Variants in MYOF observed in about 807,000 individuals in gnomAD.
MYOF encodes fer-1-like 3, myoferlin.
Under a neutral mutation model 284.2 loss-of-function variants are expected in MYOF, and 244 were observed. The ratio of observed to expected loss-of-function variants is 0.86; its 90% confidence interval spans 0.77 to 0.95. The LOEUF is 0.95. Among genes scored for constraint, MYOF ranks in the 40% least tolerant of loss-of-function variants. The pLI, the probability that MYOF is intolerant of heterozygous loss-of-function variation, is 0.00. For missense variants in MYOF, 2,496 were observed against 2,560.6 expected (o/e 0.97, Z 0.54); for synonymous variants, 904 against 919.7 (o/e 0.98, Z 0.31).
At position 93,375,649 on chromosome 10, in the gene MYOF, A is replaced by G. The variant is rs543888055; in HGVS notation, c.2109-694T>C. Among the ~76,000 whole-genome samples, 4 of 152,308 alleles carry G rather than the reference A, an allele frequency of 2.6e-5. No homozygotes were observed. The East Asian group carries it at 7.7e-4, about 29-fold the overall frequency. On this transcript the variant is annotated intron_variant, in intron 22 of 53. Coordinates refer to ENST00000359263, the MANE Select transcript of MYOF (RefSeq NM_013451.4). Reference sequence around the variant, plus strand: ...GAGAAGGAAATGAGTTGCTGTATGGAAAGGATTTAGAATAGTTGCATAGCA... The same window carrying G: ...GAGAAGGAAATGAGTTGCTGTATGGGAAGGATTTAGAATAGTTGCATAGCA...
chr10:93,349,671 T>A, intron 36 of MYOF, 137 bp downstream of exon 36: 2 of 1,026,210 alleles, frequency 1.9e-6, no homozygotes, highest in Non-Finnish European at 2.7e-6. Context: ...AAAAAGTCAC[T>A]GACAAGCTGA....
At chr10:93,340,004 C>T (rs1009858202) in intron 39 of MYOF, 149 bp downstream of exon 39, 14 of 760,682 alleles carry the variant, frequency 1.8e-5, no homozygotes, top group Middle Eastern at 3.9e-4. Context: ...GCGTGAACCC[C>T]GGGGGGCGGA....
intron 16 of MYOF, among the ~76,000 whole-genome samples, chr10:93,394,448 C>CTCTTTTTTTTTTTTTTTTTT (rs1846871495): frequency 2.1e-4 from 6 of 28,682 alleles, no homozygotes; most frequent in Non-Finnish European, 2.0e-4. Flanking sequence ...ACCATCTTGT[C>CTCTTTTTTTTTTTTTTTTTT]TTTTTTTTTT....
intron 48 of MYOF, among the ~76,000 whole-genome samples, chr10:93,320,737 C>T (rs1842811173): frequency 6.6e-6 from 1 of 152,072 alleles, no homozygotes; most frequent in Non-Finnish European, 1.5e-5. Context: ...GGGAAGACTT[C>T]TAGTTTGAAA....
At chr10:93,329,351 A>G (rs1373554987) in intron 44 of MYOF, among the ~76,000 whole-genome samples, 1 of 152,212 alleles carries the variant, frequency 6.6e-6, no homozygotes, top group Non-Finnish European at 1.5e-5. Context: ...AAACGTTGCC[A>G]GTCCTCAGTC....
At position 93,364,026 on chromosome 10, in the gene MYOF, A is replaced by T; in HGVS notation, c.2803T>A (p.Tyr935Asn). 6.2e-7 allele frequency: 1 copy of T among 1,614,188 alleles called. No homozygotes were observed. The highest frequency in any genetic ancestry group is 1.1e-5 in the South Asian group (1 of 91,076). Residue 935 changes from tyrosine (Y) to asparagine (N), a missense_variant, in exon 27 of 54, where the codon TAT becomes AAT. This residue lies in a region of MYOF where 2,436 missense variants were observed against 2,480.7 expected (regional missense o/e 0.98). Transcript: ENST00000359263. ...AGHTEFTDEV[Y>N]QNESRYPGGD... ...CCGGGGTAGCGGCTCTCGTTCTGAT[A>T]GACTTCATCAGTGAACTCCGTGTGA...
chr10:93,428,437 C>T (rs1208527827), intron 4 of MYOF, among the ~76,000 whole-genome samples: 5 of 151,656 alleles, frequency 3.3e-5, no homozygotes, highest in African/African-American at 1.2e-4. Flanking sequence ...AACTCCTGAC[C>T]TCAGATGATC....
chr10:93,454,450 A>G (rs973643951), intron 2 of MYOF, among the ~76,000 whole-genome samples: 4 of 152,114 alleles, frequency 2.6e-5, no homozygotes, highest in African/African-American at 7.2e-5. Flanking sequence ...ATTTGAAGAG[A>G]TGAGTTGGGA....
At chr10:93,336,220 C>T (rs763647754) in intron 40 of MYOF, among the ~76,000 whole-genome samples, 174 bp from the exon 41 acceptor site, 1 of 152,180 alleles carries the variant, frequency 6.6e-6, no homozygotes, top group Non-Finnish European at 1.5e-5. Flanking sequence ...CTGGTAGTTT[C>T]TTTTGGAGTT....
chr10:93,460,420 TGC>T (rs1477858324), intron 1 of MYOF, among the ~76,000 whole-genome samples: 1 of 152,234 alleles, frequency 6.6e-6, no homozygotes, highest in East Asian at 1.9e-4. Context: ...ATCCACTGTG[TGC>T]CAGTAACAGG....
rs758154399 is a variant in MYOF at position 93,374,781 on chromosome 10, T to C, written c.2283A>G (p.Leu761=). The C allele has an allele frequency of 2.5e-5, 40 of 1,613,764 alleles. No homozygotes were observed. Among genetic ancestry groups the C allele is most frequent in the Non-Finnish European group, 3.1e-5 (37 of 1,179,946 alleles). Residue 761 remains leucine (L), a synonymous_variant, in exon 23 of 54, where the codon TTA becomes TTG. Transcript: ENST00000359263. ...GTCCTACCTCTTCAGTCAGCTGCAT[T>C]AATTTATCAAGCCAGTCCTCAATTT... ...LAEIEDWLDK[L]MQLTEEPQNS... is the part of the protein sequence containing the mutation.
chr10:93,329,036 C>A, intron 44 of MYOF, 125 bp from the exon 45 acceptor site: 3 of 944,558 alleles, frequency 3.2e-6, no homozygotes, highest in Non-Finnish European at 4.5e-6. Flanking sequence ...CTGCGCTACA[C>A]TCTGACTTTG....
intron 1 of MYOF, among the ~76,000 whole-genome samples, chr10:93,479,745 G>C (rs1045978530): frequency 6.6e-6 from 1 of 152,176 alleles, no homozygotes; most frequent in South Asian, 2.1e-4. Context: ...ACTCTGAGTT[G>C]AGTGCCCTTT....
intron 1 of MYOF, among the ~76,000 whole-genome samples, chr10:93,469,754 C>T (rs2057094855): frequency 6.6e-6 from 1 of 152,174 alleles, no homozygotes; most frequent in Non-Finnish European, 1.5e-5. Flanking sequence ...GCACTCAGGG[C>T]TGCATAAGGG....
At chr10:93,418,902 A>C (rs1298495062) in intron 5 of MYOF, among the ~76,000 whole-genome samples, 3 of 152,198 alleles carry the variant, frequency 2.0e-5, no homozygotes, top group Non-Finnish European at 2.9e-5. Flanking sequence ...AGACAAAGCC[A>C]CTTGATTAGA....
At chr10:93,454,609 T>C (rs1313067381) in intron 2 of MYOF, among the ~76,000 whole-genome samples, 1 of 152,194 alleles carries the variant, frequency 6.6e-6, no homozygotes, top group Non-Finnish European at 1.5e-5. Flanking sequence ...GCTGGCTGTG[T>C]TCTGGATTCT....
intron 32 of MYOF, among the ~76,000 whole-genome samples, chr10:93,352,330 G>A (rs754760602): frequency 4.6e-5 from 7 of 152,194 alleles, no homozygotes; most frequent in Non-Finnish European, 7.3e-5. Context: ...GACAGAGCCT[G>A]TCCTATAGGA....
At chr10:93,321,252 C>T (rs537912455) in intron 48 of MYOF, among the ~76,000 whole-genome samples, 1 of 152,246 alleles carries the variant, frequency 6.6e-6, no homozygotes, top group African/African-American at 2.4e-5. Flanking sequence ...ACATCTGTTA[C>T]TCTGCCTCAA....
At chr10:93,379,690 T>G (rs1042021809) in intron 21 of MYOF, among the ~76,000 whole-genome samples, 173 bp downstream of exon 21, 1 of 152,306 alleles carries the variant, frequency 6.6e-6, no homozygotes, top group East Asian at 1.9e-4. Flanking sequence ...CCAATACCAC[T>G]GAACCTCCAT....
Sources: allele counts gnomAD v4.1 joint callset (sites outside exome capture counted in the v4.1 genomes callset), GRCh38; gene constraint gnomAD v4.1.1; regional missense constraint gnomAD v4.1.1; transcripts MANE v1.5; gene names NCBI Gene and HGNC (gene_info 2026-07-23, HGNC 2026-07-21).